Variants in COLGALT2 observed in about 807,000 individuals in gnomAD.
COLGALT2 encodes the protein collagen beta(1-O)galactosyltransferase 2.
In COLGALT2, 49 loss-of-function variants were observed where a neutral mutation model predicts 73.4. The ratio of observed to expected loss-of-function variants is 0.67; its 90% CI spans 0.53 to 0.85. The LOEUF is 0.85. Ranked by LOEUF, COLGALT2 falls within the 40% of genes least tolerant of loss-of-function variation. The pLI is 0.00. For missense variants in COLGALT2, 722 were observed against 790.2 expected (o/e 0.91, Z 1.03); for synonymous variants, 295 against 307.6 (o/e 0.96, Z 0.43).
At chr1:183,935,811 C>T (rs746075164), downstream of COLGALT2, 47 of 978,092 alleles carry the variant, frequency 4.8e-5, no homozygotes, top group Non-Finnish European at 5.5e-5. Flanking sequence ...TCAGTGCCTG[C>T]GGAAGCAATT....
In COLGALT2 at chr1:184,024,170, T is replaced by C. The variant is rs183360747; in HGVS notation, c.263+12925A>G. 3.6e-3 allele frequency among the ~76,000 whole-genome samples: 551 copies of C among 152,230 alleles called. 6 individuals are homozygous for C. Among genetic ancestry groups the C allele is most frequent in the Non-Finnish European group, 3.9e-3 (268 of 68,000 alleles). The stretch of plus-strand genomic sequence containing the variant: ...GGTGGCTAGAAAAGTCTTGAAAGAT[T>C]AGCCTATGCAACCCTCATTGTACAG... On this transcript the variant is annotated intron_variant, in intron 1 of 11. Coordinates refer to ENST00000361927, the MANE Select transcript of COLGALT2 (RefSeq NM_015101.4).
chr1:183,939,143 A>G (rs1461536544), intron 11 of COLGALT2, 106 bp from the exon 12 acceptor site: 18 of 720,634 alleles, frequency 2.5e-5, no homozygotes, highest in African/African-American at 5.3e-5. Context: ...AGTTCATTTC[A>G]TTATTTCAAT....
intron 5 of COLGALT2, among the ~76,000 whole-genome samples, chr1:183,967,749 T>A (rs1241442084): frequency 6.6e-6 from 1 of 152,206 alleles, no homozygotes; most frequent in Non-Finnish European, 1.5e-5. Context: ...CTCAAAGGAC[T>A]CAAAAAGCCC....
At chr1:183,957,824 G>A (rs1670595399) in intron 6 of COLGALT2, among the ~76,000 whole-genome samples, 1 of 137,812 alleles carries the variant, frequency 7.3e-6, no homozygotes, top group Admixed American at 7.7e-5. Context: ...CTGAGACCAA[G>A]CCAGATGTAG....
chr1:183,962,094 C>T (rs1443800880), intron 6 of COLGALT2, among the ~76,000 whole-genome samples: 1 of 150,956 alleles, frequency 6.6e-6, no homozygotes, highest in Non-Finnish European at 1.5e-5. Context: ...TCATAGACAA[C>T]TCAATGGATC....
intron 11 of COLGALT2, among the ~76,000 whole-genome samples, chr1:183,939,283 T>C (rs879768996): frequency 3.3e-5 from 5 of 152,230 alleles, no homozygotes; most frequent in Admixed American, 2.0e-4. Context: ...AAAAGATGAA[T>C]TTCAGGTCTG....
Position 183,944,217 on chromosome 1 carries a change from G to C in COLGALT2, c.1376C>G (p.Ala459Gly). 1 of 1,613,446 alleles carries C rather than the reference G, an allele frequency of 6.2e-7. No homozygotes were observed. The highest frequency in any genetic ancestry group is 2.2e-5 in the East Asian group (1 of 44,854). The change falls in exon 10 of 12, where the codon GCT becomes GGT. Residue 459 changes from alanine to glycine, a missense_variant. Transcript: ENST00000361927. ...LMKLMDNIDQAQLDWELIYIG... is the reference protein window; with the variant it reads ...LMKLMDNIDQGQLDWELIYIG... ...TCACATCAGTTCCCAGTCCAGCTGA[G>C]CCTGGTCAATGTTATCCATCAGCTT... is the stretch of plus-strand genomic sequence containing the variant.
chr1:184,005,927 A>C (rs1407168875), intron 1 of COLGALT2, among the ~76,000 whole-genome samples: 33 of 152,112 alleles, frequency 2.2e-4, no homozygotes, highest in Admixed American at 2.1e-3. Flanking sequence ...TATCATAGAA[A>C]CTTGGGAAGG....
In COLGALT2 at chr1:184,004,492, C is replaced by T. The variant is rs372065134; in HGVS notation, c.264-25972G>A. Among the ~76,000 whole-genome samples the T allele has an allele frequency of 8.5e-5, 13 of 152,104 alleles. No homozygotes were observed. The East Asian group carries it at 2.3e-3, about 27-fold the overall frequency. ...AACATTTTTAGGTATTTTTAAGTTT[C>T]TCTATTTCATTTAATTTTAAACAAC... is the stretch of plus-strand genomic sequence containing the variant. On this transcript the variant is annotated intron_variant, in intron 1 of 11. Coordinates refer to ENST00000361927, the MANE Select transcript of COLGALT2 (RefSeq NM_015101.4).
In COLGALT2 at chr1:183,983,280, G is replaced by C. The variant is rs551469487; in HGVS notation, c.264-4760C>G. ...CTCATTCCCAGAGGAGGAAGAGGAGGAAGAGCAGTGAGGGCCACACCAGCC... is the reference window on the plus strand; with the variant it reads ...CTCATTCCCAGAGGAGGAAGAGGAGCAAGAGCAGTGAGGGCCACACCAGCC... On this transcript the variant is annotated intron_variant, in intron 1 of 11. Transcript: ENST00000361927. 2.0e-5 allele frequency among the ~76,000 whole-genome samples: 3 copies of C among 152,270 alleles called. No individual in the cohort carries two copies. The East Asian group carries it at 5.8e-4, about 29-fold the overall frequency.
Position 183,973,623 on chromosome 1 carries a change from G to T in COLGALT2, c.620C>A (p.Thr207Asn), listed in dbSNP as rs942496699. Residue 207 changes from threonine to asparagine, a missense_variant, in exon 4 of 12, where the codon ACC (threonine) becomes AAC (asparagine). Coordinates refer to ENST00000361927, the MANE Select transcript of COLGALT2 (RefSeq NM_015101.4). ...GLYSNFWCGI[T>N]PKGFYKRTPD... is the part of the protein sequence containing the mutation. Reference sequence around the variant, plus strand: ...TTTAAGCAAAAGACTTGCCTTAGGGGTGATTCCGCACCAGAAATTAGAATA... The same window carrying T: ...TTTAAGCAAAAGACTTGCCTTAGGGTTGATTCCGCACCAGAAATTAGAATA... 3.1e-6 allele frequency: 5 copies of T among 1,613,902 alleles called. No individual in the cohort carries two copies. Among genetic ancestry groups the T allele is most frequent in the Non-Finnish European group, 3.4e-6 (4 of 1,179,994 alleles).
intron 8 of COLGALT2, among the ~76,000 whole-genome samples, chr1:183,947,677 C>T (rs2102793370): frequency 6.6e-6 from 1 of 152,130 alleles, no homozygotes; most frequent in South Asian, 2.1e-4. Flanking sequence ...TCCCATCCAT[C>T]TTAAGAAACT....
At chr1:183,994,205 A>AT (rs1260970929) in intron 1 of COLGALT2, among the ~76,000 whole-genome samples, 8 of 150,648 alleles carry the variant, frequency 5.3e-5, no homozygotes, top group Non-Finnish European at 1.2e-4. Context: ...CACTCTACTA[A>AT]TTTTTTGTAT....
Position 183,938,682 on chromosome 1 carries a change from A to G in COLGALT2, c.*79T>C. On this transcript the variant is annotated 3_prime_UTR_variant, in exon 12 of 12. Coordinates refer to ENST00000361927, the MANE Select transcript of COLGALT2 (RefSeq NM_015101.4). ...CACTAAGAACAAAACAAAACAGAAAACTGGAGCAAACAGATGAATAGCCCT... is the reference window on the plus strand; with the variant it reads ...CACTAAGAACAAAACAAAACAGAAAGCTGGAGCAAACAGATGAATAGCCCT... The G allele has an allele frequency of 6.5e-7, 1 of 1,545,772 alleles. No individual in the cohort carries two copies. Among genetic ancestry groups the G allele is most frequent in the South Asian group, 1.3e-5 (1 of 78,586 alleles).
At chr1:183,945,638 T>C in intron 8 of COLGALT2, 74 bp from the exon 9 acceptor site, 2 of 1,534,700 alleles carry the variant, frequency 1.3e-6, no homozygotes, top group Non-Finnish European at 1.8e-6. Flanking sequence ...AAAGAGAGAG[T>C]TAGTTCTGCA....
chr1:183,969,653 C>T (rs951452494), intron 4 of COLGALT2, among the ~76,000 whole-genome samples, 180 bp from the exon 5 acceptor site: 1 of 152,102 alleles, frequency 6.6e-6, no homozygotes, highest in Non-Finnish European at 1.5e-5. Context: ...GAAATGCTGT[C>T]TACATATAAA....
At chr1:183,973,503 A>G (rs960817690) in intron 4 of COLGALT2, 113 bp downstream of exon 4, 23 of 1,358,814 alleles carry the variant, frequency 1.7e-5, no homozygotes, top group Non-Finnish European at 2.4e-5. Flanking sequence ...TGGGAACACA[A>G]TGACACGCAT....
chr1:184,011,905 C>G (rs1648810744), intron 1 of COLGALT2, among the ~76,000 whole-genome samples: 1 of 152,186 alleles, frequency 6.6e-6, no homozygotes, highest in Non-Finnish European at 1.5e-5. Context: ...TGCACTCGCA[C>G]TGGCTTTTAC....
intron 1 of COLGALT2, among the ~76,000 whole-genome samples, chr1:183,981,961 A>G (rs1178533823): frequency 6.6e-6 from 1 of 152,262 alleles, no homozygotes; most frequent in Non-Finnish European, 1.5e-5. Flanking sequence ...GTATGTAAGT[A>G]ATATTTGAAA....
Sources: gnomAD v4.1 joint callset for allele counts (sites outside exome capture counted in the v4.1 genomes callset) on GRCh38, gnomAD v4.1.1 for gene constraint, MANE v1.5 for transcripts, NCBI Gene and HGNC (gene_info 2026-07-23, HGNC 2026-07-21) for gene names.